Variants in CHRDL2 observed in about 807,000 individuals in gnomAD.
CHRDL2 encodes chordin-like protein 2.
In CHRDL2, 41 loss-of-function variants were observed where a neutral mutation model predicts 54.3. That is an observed-to-expected ratio of 0.76 (90% confidence interval 0.59 to 0.98). CHRDL2 has a LOEUF of 0.98. Among genes scored for constraint, CHRDL2 ranks in the 50% least tolerant of loss-of-function variants. CHRDL2 has a pLI of 0.00. For synonymous variants in CHRDL2, 220 were observed against 224.3 expected, an observed-to-expected ratio of 0.98 and a Z score of 0.17; for missense variants, 518 against 562.4, an observed-to-expected ratio of 0.92 and a Z score of 0.80.
intron 1 of CHRDL2, among the ~76,000 whole-genome samples, chr11:74,726,555 G>A (rs572680816): frequency 6.6e-6 from 1 of 152,264 alleles, no homozygotes; most frequent in East Asian, 1.9e-4. Flanking sequence ...ACCTCCCAGG[G>A]GCACCGCTGT....
intron 4 of CHRDL2, among the ~76,000 whole-genome samples, chr11:74,710,492 C>A (rs1462996988): frequency 6.6e-6 from 1 of 152,228 alleles, no homozygotes; most frequent in Admixed American, 6.5e-5. Flanking sequence ...GGACTGATAA[C>A]TGATCATTTG....
At chr11:74,704,703 C>A in intron 6 of CHRDL2, 49 bp from the exon 7 acceptor site, 1 of 1,564,702 alleles carries the variant, frequency 6.4e-7, no homozygotes, top group Non-Finnish European at 8.7e-7. Flanking sequence ...ATAGCAGGCC[C>A]CAGCTGGAGC....
intron 4 of CHRDL2, among the ~76,000 whole-genome samples, chr11:74,710,451 A>G (rs919639056): frequency 3.9e-5 from 6 of 152,176 alleles, no homozygotes; most frequent in South Asian, 4.1e-4. Flanking sequence ...TCCATTTGCT[A>G]CAGATAATCT....
chr11:74,708,262 A>AG (rs1383635318), intron 5 of CHRDL2, 40 bp downstream of exon 5: 1 of 1,391,440 alleles, frequency 7.2e-7, no homozygotes, highest in Middle Eastern at 2.4e-4. Context: ...CATGGAGTGG[A>AG]GGGGTGGGTG....
chr11:74,713,604 T>G, intron 2 of CHRDL2, 125 bp from the exon 3 acceptor site: 1 of 709,190 alleles, frequency 1.4e-6, no homozygotes, highest in South Asian at 1.8e-5. Context: ...GTGATTGGAC[T>G]GAAAACAATT....
intron 1 of CHRDL2, among the ~76,000 whole-genome samples, chr11:74,721,837 G>T (rs534262011): frequency 2.0e-5 from 3 of 152,322 alleles, no homozygotes; most frequent in African/African-American, 7.2e-5. Flanking sequence ...AAGATTTTCT[G>T]CATAGATACT....
Position 74,703,432 on chromosome 11 carries a change from G to T in CHRDL2, c.819C>A (p.Gly273=). The change falls in exon 8 of 11, where the codon GGC becomes GGA. Residue 273 remains glycine (G), a synonymous_variant. Transcript: ENST00000376332. The stretch of plus-strand genomic sequence containing the variant: ...AGGTGCATAGGATGCAGGGCAAGGG[G>T]CCGAAGGCACGGAAGGCCGGGTGCC... ...EVWHPAFRAF[G]PLPCILCTCE... is the part of the protein sequence containing the mutation. 6.2e-7 allele frequency: 1 copy of T among 1,613,202 alleles called. No individual in the cohort carries two copies. The highest frequency in any genetic ancestry group is 8.5e-7 in the Non-Finnish European group (1 of 1,179,598).
At position 74,703,302 on chromosome 11, in the gene CHRDL2, T is replaced by C. The variant is rs780723520; in HGVS notation, c.946+3A>G. On this transcript the variant is annotated splice_donor_region_variant and intron_variant, in intron 8 of 10. Transcript: ENST00000376332. ...CCTCCTTGCTCCCAGTGCCCCTGTG[T>C]ACCTGGGCAAATCTTGCAGCACTTC... 1.9e-6 allele frequency: 3 copies of C among 1,596,618 alleles called. No individual in the cohort carries two copies. In the East Asian group the frequency reaches 6.7e-5, roughly 36 times the overall value.
At chr11:74,727,469 A>G (rs1271963368) in intron 1 of CHRDL2, among the ~76,000 whole-genome samples, 1 of 152,144 alleles carries the variant, frequency 6.6e-6, no homozygotes, top group African/African-American at 2.4e-5. Context: ...CAGTGGTGCA[A>G]TCACAGCTCA....
chr11:74,731,118 G>A lies in CHRDL2; in HGVS notation c.-230C>T, dbSNP rs553196437. ...TGGAAAGAGAACGCGGGGAAAGGAGGGAGAGATGGAGAGACGAAGGAAGGT... is the reference window on the plus strand; with the variant it reads ...TGGAAAGAGAACGCGGGGAAAGGAGAGAGAGATGGAGAGACGAAGGAAGGT... On this transcript the variant is annotated 5_prime_UTR_variant, in exon 1 of 11. Coordinates refer to ENST00000376332, the MANE Select transcript of CHRDL2 (RefSeq NM_001278473.3). The surrounding 1 kb of genome is among the most constrained non-coding windows in gnomAD (Gnocchi z 4.4). 5.4e-5 allele frequency: 30 copies of A among 553,310 alleles called. 1 individual carries two copies. The East Asian group carries it at 6.9e-4, about 13-fold the overall frequency. 34.3% of individuals were successfully genotyped at this position (553,310 alleles called of 1,614,324 possible). A position where few individuals can be genotyped will look rare whatever the true frequency, so the allele number is the denominator to read the frequency against.
intron 1 of CHRDL2, among the ~76,000 whole-genome samples, chr11:74,725,638 T>A (rs960263181): frequency 6.6e-6 from 1 of 151,900 alleles, no homozygotes; most frequent in African/African-American, 2.4e-5. Flanking sequence ...TTAGAAGGGG[T>A]TAGTGCGGTT....
intron 9 of CHRDL2, 47 bp downstream of exon 9, chr11:74,702,747 G>C: frequency 6.2e-7 from 1 of 1,605,528 alleles, no homozygotes; most frequent in Non-Finnish European, 8.5e-7. Flanking sequence ...GCACGGGAAG[G>C]GGGACTGGCC....
chr11:74,704,326 C>A (rs1209989936), intron 7 of CHRDL2, among the ~76,000 whole-genome samples, 160 bp downstream of exon 7: 1 of 152,002 alleles, frequency 6.6e-6, no homozygotes, highest in African/African-American at 2.4e-5. Flanking sequence ...TTTAAGAGCA[C>A]CCTCATTCAG....
chr11:74,725,156 C>G (rs1205396483), intron 1 of CHRDL2, among the ~76,000 whole-genome samples: 1 of 152,142 alleles, frequency 6.6e-6, no homozygotes, highest in Non-Finnish European at 1.5e-5. Flanking sequence ...CCACGCCCAG[C>G]TAATTTTTGT....
intron 4 of CHRDL2, among the ~76,000 whole-genome samples, chr11:74,709,051 CA>C (rs1163431062): frequency 6.6e-6 from 1 of 152,238 alleles, no homozygotes; most frequent in Admixed American, 6.5e-5. Context: ...TGGGGGGAAG[CA>C]CTATTGCCCT....
chr11:74,718,010 G>A (rs1369137922), intron 2 of CHRDL2, among the ~76,000 whole-genome samples: 1 of 152,186 alleles, frequency 6.6e-6, no homozygotes, highest in Non-Finnish European at 1.5e-5. Context: ...ACAAGGCCCT[G>A]TGGAGGTGCT....
Position 74,696,434 on chromosome 11 carries a change from G to A in CHRDL2, c.*75C>T, listed in dbSNP as rs1326454090. On this transcript the variant is annotated 3_prime_UTR_variant, in exon 11 of 11. Coordinates refer to ENST00000376332, the MANE Select transcript of CHRDL2 (RefSeq NM_001278473.3). ...ATGAACCCAGAAGGCAGGGCTGAGG[G>A]TAATGCAACTTCTTATTTATTAATA... 3 of 1,197,956 alleles carry A rather than the reference G, an allele frequency of 2.5e-6. No homozygotes were observed. The highest frequency in any genetic ancestry group is 3.7e-6 in the Non-Finnish European group (3 of 820,278). The allele number at this position is 1,197,956 out of a possible 1,614,324, so 74.2% of individuals were successfully genotyped here. A position where few individuals can be genotyped will look rare whatever the true frequency, so the allele number is the denominator to read the frequency against.
In CHRDL2 at chr11:74,704,511, G is replaced by T. The variant is rs754375233; in HGVS notation, c.726C>A (p.Ile242=). 6.3e-7 allele frequency: 1 copy of T among 1,583,406 alleles called. No homozygotes were observed. The highest frequency in any genetic ancestry group is 1.2e-5 in the South Asian group (1 of 84,994). ...CTTTCTTATGTTTCTCCTTCAGGAC[G>T]ATCTTGACAGTTGTGCTGCCTGCTC... ...PKGAGSTTVK[I]VLKEKHKKAC... Residue 242 remains isoleucine (I), a synonymous_variant, in exon 7 of 11, where the codon ATC becomes ATA. Transcript: ENST00000376332.
intron 1 of CHRDL2, 181 bp from the exon 2 acceptor site, chr11:74,719,013 T>A (rs1230188937): frequency 5.1e-6 from 3 of 586,454 alleles, no homozygotes; most frequent in Non-Finnish European, 9.1e-6. Context: ...AGTTTGAATC[T>A]CGGCTTTACC....
Sources: allele counts gnomAD v4.1 joint callset (sites outside exome capture counted in the v4.1 genomes callset), GRCh38; gene constraint gnomAD v4.1.1; non-coding constraint Gnocchi (gnomAD v3.1); transcripts MANE v1.5; gene names NCBI Gene and HGNC (gene_info 2026-07-23, HGNC 2026-07-21).